The following PLCB1 variants were observed in gnomAD, a reference collection of about 807,000 sequenced individuals.
The protein encoded by PLCB1 is 1-phosphatidylinositol 4,5-bisphosphate phosphodiesterase beta-1.
Under a neutral mutation model 161.8 loss-of-function variants are expected in PLCB1, and 46 were observed. The ratio of observed to expected loss-of-function variants is 0.28; its 90% CI spans 0.22 to 0.36. The LOEUF (loss-of-function observed/expected upper bound fraction) is 0.36, where lower values mean the gene tolerates loss of function less well. PLCB1 is among the 10% of genes least tolerant of loss of function. The pLI is 1.00. For missense variants in PLCB1, 1,016 were observed against 1,472.5 expected (o/e 0.69, Z 5.07); for synonymous variants, 517 against 503.7 (o/e 1.03, Z -0.35).
In PLCB1 at chr20:8,343,622, T is replaced by C. The variant is rs151071279; in HGVS notation, c.178-27760T>C. Reference sequence around the variant, plus strand: ...TAACGATTCTCAATGGATCATTTAGTATACTTCCAGGCTTCTTGGCATGCT... The same window carrying C: ...TAACGATTCTCAATGGATCATTTAGCATACTTCCAGGCTTCTTGGCATGCT... On this transcript the variant is annotated intron_variant, in intron 2 of 31. Transcript: ENST00000338037. Among the ~76,000 whole-genome samples, 373 of 152,326 alleles carry C rather than the reference T, an allele frequency of 2.4e-3. 2 individuals are homozygous for C. Among genetic ancestry groups the C allele is most frequent in the East Asian group, 0.023 (118 of 5,188 alleles).
intron 4 of PLCB1, among the ~76,000 whole-genome samples, chr20:8,631,468 T>G (rs1568537058): frequency 6.6e-6 from 1 of 152,194 alleles, no homozygotes; most frequent in Admixed American, 6.5e-5. Flanking sequence ...TAGATTCACA[T>G]TAAGTAAGAA....
chr20:8,156,888 A>G (rs189523363), intron 2 of PLCB1, among the ~76,000 whole-genome samples: 51 of 152,286 alleles, frequency 3.3e-4, no homozygotes, highest in Admixed American at 7.2e-4. Context: ...ATAAACAATG[A>G]CTCTCTGACC....
intron 2 of PLCB1, among the ~76,000 whole-genome samples, chr20:8,159,139 C>A (rs747703063): frequency 6.6e-6 from 1 of 152,190 alleles, no homozygotes. Flanking sequence ...ACCACCCCAG[C>A]AGCAAGCTTC....
intron 1 of PLCB1, among the ~76,000 whole-genome samples, chr20:8,148,509 A>G (rs1285844585): frequency 1.3e-5 from 2 of 152,200 alleles, no homozygotes; most frequent in African/African-American, 2.4e-5. Flanking sequence ...CAGTTCCTCA[A>G]AAAATGAAAC....
intron 2 of PLCB1, among the ~76,000 whole-genome samples, chr20:8,309,160 A>G (rs1984274455): frequency 6.6e-6 from 1 of 152,218 alleles, no homozygotes; most frequent in African/African-American, 2.4e-5. Context: ...ATACAACAGT[A>G]GGTTGCCCAT....
intron 2 of PLCB1, among the ~76,000 whole-genome samples, chr20:8,365,797 A>T (rs1986692193): frequency 6.6e-6 from 1 of 152,188 alleles, no homozygotes; most frequent in Non-Finnish European, 1.5e-5. Flanking sequence ...ACACCCAGCC[A>T]TTAATATCTT....
rs908365509 is a variant in PLCB1, at chr20:8,535,549, A to T, written c.247-92745A>T. 4.6e-5 allele frequency among the ~76,000 whole-genome samples: 7 copies of T among 152,282 alleles called. No homozygotes were observed. The East Asian group carries it at 1.3e-3, about 29-fold the overall frequency. The stretch of plus-strand genomic sequence containing the variant: ...AAAGGAAATAATATAAGTAACCAGG[A>T]TAGAGGATTGATTAGGGTAGTTGCT... On this transcript the variant is annotated intron_variant, in intron 3 of 31. Coordinates refer to ENST00000338037, the MANE Select transcript of PLCB1 (RefSeq NM_015192.4).
At chr20:8,517,232 G>C (rs1256760574) in intron 3 of PLCB1, among the ~76,000 whole-genome samples, 2 of 152,230 alleles carry the variant, frequency 1.3e-5, no homozygotes, top group South Asian at 4.1e-4. Context: ...TGAGCCTAGA[G>C]CCAACTCAAG....
chr20:8,349,251 A>AGGT (rs372791445), intron 2 of PLCB1, among the ~76,000 whole-genome samples: 1 of 152,226 alleles, frequency 6.6e-6, no homozygotes, highest in African/African-American at 2.4e-5. Flanking sequence ...AAGATTAGAC[A>AGGT]GGTGACAAGA....
intron 18 of PLCB1, 22 bp downstream of exon 18, chr20:8,729,196 T>C: frequency 6.3e-7 from 1 of 1,583,566 alleles, no homozygotes; most frequent in Non-Finnish European, 8.6e-7. Context: ...CTTGTTCCCA[T>C]TCTGCTATGA....
chr20:8,811,713 T>TA (rs758785358), intron 31 of PLCB1, among the ~76,000 whole-genome samples: 2 of 152,236 alleles, frequency 1.3e-5, no homozygotes, highest in Admixed American at 6.5e-5. Context: ...CAGCAATACT[T>TA]ACACAACTTA....
chr20:8,712,098 C>G (rs536591794), intron 12 of PLCB1, among the ~76,000 whole-genome samples: 2 of 152,080 alleles, frequency 1.3e-5, no homozygotes, highest in African/African-American at 4.8e-5. Context: ...GTCAGGAGAT[C>G]GAGACCATCC....
chr20:8,714,749 T>G (rs1408932996), intron 12 of PLCB1, among the ~76,000 whole-genome samples: 1 of 152,108 alleles, frequency 6.6e-6, no homozygotes, highest in Non-Finnish European at 1.5e-5. Flanking sequence ...CCTTTGAATC[T>G]CTCCTTAGCC....
intron 31 of PLCB1, among the ~76,000 whole-genome samples, chr20:8,856,174 C>T (rs1987061068): frequency 6.6e-6 from 1 of 152,036 alleles, no homozygotes; most frequent in African/African-American, 2.4e-5. Flanking sequence ...TATAGATATA[C>T]ATGTGCATAT....
At position 8,582,118 on chromosome 20, in the gene PLCB1, G is replaced by A. The variant is rs1217058019; in HGVS notation, c.247-46176G>A. ...GTTAAACATTTACCAGGACACCTCT[G>A]CCATAAGCTGAGTTGAAAAGGTTTG... is the stretch of plus-strand genomic sequence containing the variant. On this transcript the variant is annotated intron_variant, in intron 3 of 31. Transcript: ENST00000338037. Among the ~76,000 whole-genome samples the A allele has an allele frequency of 2.0e-5, 3 of 152,132 alleles. No individual in the cohort carries two copies. The East Asian group carries it at 5.8e-4, about 29-fold the overall frequency.
At chr20:8,321,708 C>T (rs1448202336) in intron 2 of PLCB1, among the ~76,000 whole-genome samples, 2 of 152,118 alleles carry the variant, frequency 1.3e-5, no homozygotes, top group Non-Finnish European at 2.9e-5. Flanking sequence ...AACTTTGTTA[C>T]CAAGTCACCA....
At chr20:8,600,366 G>A (rs1435824818) in intron 3 of PLCB1, among the ~76,000 whole-genome samples, 5 of 110,286 alleles carry the variant, frequency 4.5e-5, no homozygotes, top group South Asian at 2.7e-4. Context: ...GCCGTGTGAG[G>A]TGTCAGTGTG....
At chr20:8,301,519 G>A (rs1259761629) in intron 2 of PLCB1, among the ~76,000 whole-genome samples, 1 of 152,084 alleles carries the variant, frequency 6.6e-6, no homozygotes, top group Non-Finnish European at 1.5e-5. Flanking sequence ...AATGCTAAGA[G>A]AGCCACCACC....
intron 4 of PLCB1, among the ~76,000 whole-genome samples, chr20:8,641,611 C>T (rs533872505): frequency 3.3e-5 from 5 of 152,198 alleles, no homozygotes; most frequent in South Asian, 2.1e-4. Context: ...ACTTGGTTGT[C>T]GTGGACACTG....
Sources: allele counts gnomAD v4.1 joint callset (sites outside exome capture counted in the v4.1 genomes callset), GRCh38; gene constraint gnomAD v4.1.1; transcripts MANE v1.5; gene names NCBI Gene and HGNC (gene_info 2026-07-23, HGNC 2026-07-21).